STAU2: variants seen among roughly 807,000 people sequenced by gnomAD.
STAU2 encodes staufen double-stranded RNA binding protein 2, also known as double-stranded RNA-binding protein Staufen homolog 2.
STAU2 carries 20 observed loss-of-function variants against 65.9 expected under a neutral mutation model. The ratio of observed to expected loss-of-function variants is 0.30; its 90% CI spans 0.21 to 0.44. The LOEUF (loss-of-function observed/expected upper bound fraction) is 0.44, where lower values mean the gene tolerates loss of function less well. STAU2 is among the 20% of genes least tolerant of loss of function. STAU2 has a pLI of 1.00. For missense variants in STAU2, 558 were observed against 683.9 expected (o/e 0.82, Z 2.05); for synonymous variants, 232 against 233.9 (o/e 0.99, Z 0.07).
intron 13 of STAU2, among the ~76,000 whole-genome samples, chr8:73,446,763 T>C (rs1030197844): frequency 6.6e-6 from 1 of 151,598 alleles, no homozygotes. Flanking sequence ...ACGTGAGCCA[T>C]TGTGCCTATT....
chr8:73,613,961 T>A lies in STAU2; in HGVS notation c.679-5A>T. ...TGGTCCACTTTCTTTAATAACCTATTAAATACAAGTAAAATATTAAATAAT... is the reference window on the plus strand; with the variant it reads ...TGGTCCACTTTCTTTAATAACCTATAAAATACAAGTAAAATATTAAATAAT... On this transcript the variant is annotated splice_region_variant and splice_polypyrimidine_tract_variant and intron_variant, in intron 8 of 14. Transcript: ENST00000524300. 1 of 1,580,024 alleles carries A rather than the reference T, an allele frequency of 6.3e-7. No individual in the cohort carries two copies. Among genetic ancestry groups the A allele is most frequent in the Non-Finnish European group, 8.6e-7 (1 of 1,162,730 alleles).
intron 6 of STAU2, among the ~76,000 whole-genome samples, chr8:73,655,156 A>C (rs1376875039): frequency 6.6e-6 from 1 of 152,240 alleles, no homozygotes; most frequent in Non-Finnish European, 1.5e-5. Context: ...ACATTTTAGA[A>C]AGTTACACAT....
At chr8:73,462,290 TCCCA>T (rs1819404731) in intron 13 of STAU2, among the ~76,000 whole-genome samples, 1 of 152,092 alleles carries the variant, frequency 6.6e-6, no homozygotes, top group Non-Finnish European at 1.5e-5. Flanking sequence ...GACAGGGTTT[TCCCA>T]TGTTGGCATG....
At chr8:73,516,407 CAT>C (rs1822730570) in intron 13 of STAU2, among the ~76,000 whole-genome samples, 2 of 151,864 alleles carry the variant, frequency 1.3e-5, no homozygotes, top group South Asian at 2.1e-4. Context: ...TTAAATTTCA[CAT>C]ATGTCTAGAA....
intron 3 of STAU2, among the ~76,000 whole-genome samples, chr8:73,718,296 T>C (rs191418797): frequency 2.2e-4 from 33 of 152,340 alleles, no homozygotes; most frequent in African/African-American, 7.5e-4. Context: ...ACATATATTC[T>C]CCGTAAGGCA....
chr8:73,485,303 A>C (rs1403027955), intron 13 of STAU2, among the ~76,000 whole-genome samples: 1 of 151,700 alleles, frequency 6.6e-6, no homozygotes, highest in Non-Finnish European at 1.5e-5. Flanking sequence ...CTCAGCTTCC[A>C]GAGTAGCTAA....
intron 3 of STAU2, among the ~76,000 whole-genome samples, chr8:73,723,992 C>A (rs1443470942): frequency 6.6e-6 from 1 of 152,154 alleles, no homozygotes; most frequent in Non-Finnish European, 1.5e-5. Flanking sequence ...TAGTTTGTTC[C>A]TTTCAAGTCT....
intron 13 of STAU2, among the ~76,000 whole-genome samples, chr8:73,437,737 G>T (rs1817817289): frequency 6.6e-6 from 1 of 152,174 alleles, no homozygotes; most frequent in South Asian, 2.1e-4. Context: ...CTGGGGAGGG[G>T]AGGCTGGGCC....
At chr8:73,726,108 A>C (rs1184139689) in intron 3 of STAU2, among the ~76,000 whole-genome samples, 1 of 151,942 alleles carries the variant, frequency 6.6e-6, no homozygotes, top group African/African-American at 2.4e-5. Flanking sequence ...GTTTAAAGTC[A>C]TTATTTCTTA....
intron 4 of STAU2, among the ~76,000 whole-genome samples, chr8:73,691,863 G>A (rs1285493892): frequency 6.6e-6 from 1 of 152,064 alleles, no homozygotes; most frequent in Non-Finnish European, 1.5e-5. Flanking sequence ...GGAATTTCCT[G>A]GGTGATAGGA....
chr8:73,524,530 A>G (rs1823238107), intron 13 of STAU2, among the ~76,000 whole-genome samples: 1 of 152,136 alleles, frequency 6.6e-6, no homozygotes, highest in Non-Finnish European at 1.5e-5. Context: ...CAGGTAATGT[A>G]TTCAATTTCC....
chr8:73,555,906 T>C (rs1440297942), intron 12 of STAU2, among the ~76,000 whole-genome samples: 1 of 151,754 alleles, frequency 6.6e-6, no homozygotes, highest in East Asian at 1.9e-4. Flanking sequence ...TACATTAACA[T>C]GTGTTAGTTT....
chr8:73,616,934 A>G (rs1004605197), intron 7 of STAU2, among the ~76,000 whole-genome samples: 2 of 152,240 alleles, frequency 1.3e-5, no homozygotes, highest in Non-Finnish European at 2.9e-5. Context: ...TGTCATTTGT[A>G]AAACAAAAGA....
chr8:73,713,832 C>T (rs1821060035), intron 3 of STAU2, among the ~76,000 whole-genome samples: 1 of 152,162 alleles, frequency 6.6e-6, no homozygotes, highest in African/African-American at 2.4e-5. Context: ...CACAGACTAC[C>T]TCGCTTCGCA....
intron 6 of STAU2, among the ~76,000 whole-genome samples, chr8:73,655,793 T>C (rs13263012): frequency 0.028 from 4,164 of 151,270 alleles, 176 homozygotes; most frequent in African/African-American, 0.091. Flanking sequence ...GGACTACAGG[T>C]GCCTGCCACC....
At chr8:73,597,268 TAAAAA>T (rs113258388) in intron 10 of STAU2, among the ~76,000 whole-genome samples, 4,314 of 151,906 alleles carry the variant, frequency 0.028, 168 homozygotes, top group African/African-American at 0.095. Flanking sequence ...TGGGTATTTT[TAAAAA>T]AGAAAAGAAG....
chr8:73,427,685 G>A (rs1395773959), intron 13 of STAU2, among the ~76,000 whole-genome samples: 5 of 152,234 alleles, frequency 3.3e-5, no homozygotes, highest in Non-Finnish European at 7.3e-5. Flanking sequence ...ACACATGCGC[G>A]TGGGGCGCTA....
At chr8:73,474,506 A>G (rs976236136) in intron 13 of STAU2, among the ~76,000 whole-genome samples, 4 of 151,964 alleles carry the variant, frequency 2.6e-5, no homozygotes, top group Non-Finnish European at 5.9e-5. Context: ...CCGCTGCTCT[A>G]TTAACAAACA....
chr8:73,597,498 C>CAA (rs1259337727), intron 10 of STAU2, among the ~76,000 whole-genome samples: 14 of 115,706 alleles, frequency 1.2e-4, no homozygotes, highest in African/African-American at 4.3e-4. Flanking sequence ...ACTAAAAATA[C>CAA]AAAAATAAAA....
Sources: allele counts gnomAD v4.1 joint callset (sites outside exome capture counted in the v4.1 genomes callset), GRCh38; gene constraint gnomAD v4.1.1; transcripts MANE v1.5; gene names NCBI Gene and HGNC (gene_info 2026-07-23, HGNC 2026-07-21).